Variants in STAP1 observed in about 807,000 individuals in gnomAD.
STAP1 encodes the protein signal transducing adaptor family member 1.
Under a neutral mutation model 37.8 loss-of-function variants are expected in STAP1, and 30 were observed. That is an observed-to-expected ratio of 0.79 (90% CI 0.59 to 1.08). The LOEUF (loss-of-function observed/expected upper bound fraction) is 1.08, where lower values mean the gene tolerates loss of function less well. STAP1 is among the 50% of genes least tolerant of loss of function. The pLI is 0.00. For synonymous variants in STAP1, 130 were observed against 116.0 expected, an observed-to-expected ratio of 1.12 and a Z score of -0.78; for missense variants, 357 against 349.4, an observed-to-expected ratio of 1.02 and a Z score of -0.17.
chr4:67,561,750 A>G (rs182333295), intron 1 of STAP1, among the ~76,000 whole-genome samples: 36 of 152,146 alleles, frequency 2.4e-4, no homozygotes, highest in African/African-American at 7.5e-4. Context: ...AAAATTTCTC[A>G]TTTTTTCTGG....
At position 67,577,230 on chromosome 4, in the gene STAP1, T is replaced by A; in HGVS notation, c.334T>A (p.Trp112Arg). 1 of 1,610,408 alleles carries A rather than the reference T, an allele frequency of 6.2e-7. No individual in the cohort carries two copies. Among genetic ancestry groups the A allele is most frequent in the Non-Finnish European group, 8.5e-7 (1 of 1,178,344 alleles). The change falls in exon 4 of 9, where the codon TGG becomes AGG. Residue 112 changes from tryptophan (W) to arginine (R), a missense_variant. Transcript: ENST00000265404. Reference protein sequence around the residue: ...KTENTESGEEWRGFILTVTEL... With the variant: ...KTENTESGEERRGFILTVTEL... ...AGAGAACACAGAAAGTGGGGAAGAA[T>A]GGAGAGGCTTCATTCTTACAGTAAC...
Position 67,576,478 on chromosome 4 carries a change from AAAT to A in STAP1, c.307-719_307-717del, listed in dbSNP as rs1242800800. 1.3e-4 allele frequency among the ~76,000 whole-genome samples: 20 copies of A among 152,338 alleles called. No homozygotes were observed. In the East Asian group the frequency reaches 2.9e-3, roughly 22 times the overall value. ...ATCTATAAAACAATCAAACAAGCAA[AAAT>A]AATAAGACCTTTTGCCAAGTTGCCT... On this transcript the variant is annotated intron_variant, in intron 3 of 8. Coordinates refer to ENST00000265404, the MANE Select transcript of STAP1 (RefSeq NM_012108.4).
At chr4:67,588,353 C>CGAT (rs35620968) in intron 6 of STAP1, among the ~76,000 whole-genome samples, 29,606 of 150,792 alleles carry the variant, frequency 0.2, 3,223 homozygotes, top group Middle Eastern at 0.3. Flanking sequence ...ACGACGACGA[C>CGAT]GATGATGATG....
At chr4:67,569,206 T>A (rs1727543898) in intron 1 of STAP1, among the ~76,000 whole-genome samples, 1 of 152,200 alleles carries the variant, frequency 6.6e-6, no homozygotes, top group Non-Finnish European at 1.5e-5. Context: ...TCTAAACATA[T>A]CTAAACATAG....
intron 6 of STAP1, among the ~76,000 whole-genome samples, chr4:67,586,003 C>A (rs1727971895): frequency 6.6e-6 from 1 of 152,152 alleles, no homozygotes; most frequent in South Asian, 2.1e-4. Context: ...CATAATCTAA[C>A]TGCTTAAATG....
intron 8 of STAP1, among the ~76,000 whole-genome samples, chr4:67,604,287 A>G (rs1490306174): frequency 6.6e-6 from 1 of 152,064 alleles, no homozygotes; most frequent in Non-Finnish European, 1.5e-5. Flanking sequence ...TATTTTTCCT[A>G]CCCTCTTCAG....
rs536281863 is a variant in STAP1 at position 67,581,160 on chromosome 4, CCT to C, written c.364-142_364-141del. ...TGAAACACCCAACCTAGACTAAAAT[CCT>C]CTGTTTCTTATTCCCTTAGTCCCTA... On this transcript the variant is annotated intron_variant, in intron 4 of 8. Coordinates refer to ENST00000265404, the MANE Select transcript of STAP1 (RefSeq NM_012108.4). The C allele has an allele frequency of 2.1e-4, 148 of 709,176 alleles. 2 individuals carry two copies. The South Asian group carries it at 4.2e-3, about 20-fold the overall frequency. The allele number at this position is 709,176 out of a possible 1,614,324, so 43.9% of individuals were successfully genotyped here.
intron 4 of STAP1, among the ~76,000 whole-genome samples, chr4:67,579,220 A>G (rs1205397100): frequency 6.6e-6 from 1 of 152,200 alleles, no homozygotes; most frequent in South Asian, 2.1e-4. Flanking sequence ...GTTTTGTGTT[A>G]TGATTCCAGA....
intron 7 of STAP1, 53 bp downstream of exon 7, chr4:67,591,006 C>G (rs1380863321): frequency 1.4e-6 from 2 of 1,409,454 alleles, no homozygotes; most frequent in Admixed American, 1.9e-5. Flanking sequence ...TTCCTTATAG[C>G]CTCCTAGTGC....
In STAP1 at chr4:67,558,899, T is replaced by C. The variant is rs765694426; in HGVS notation, c.90T>C (p.Gly30=). 2 of 1,613,104 alleles carry C rather than the reference T, an allele frequency of 1.2e-6. No homozygotes were observed. The highest frequency in any genetic ancestry group is 2.2e-5 in the East Asian group (1 of 44,842). Residue 30 remains glycine, a synonymous_variant, in exon 1 of 9, where the codon GGT becomes GGC. Transcript: ENST00000265404. ...KITALPLYFE[G]FLLIKRSGYR... ...CTGCTCTACCTTTGTACTTTGAAGG[T>C]TTTTTATTAATCAAGCGGTCAGGAT...
At chr4:67,583,382 C>T (rs191802824) in intron 5 of STAP1, among the ~76,000 whole-genome samples, 192 bp from the exon 6 acceptor site, 3 of 152,232 alleles carry the variant, frequency 2.0e-5, no homozygotes, top group Admixed American at 6.5e-5. Flanking sequence ...AAGACCTTAA[C>T]GTTAGCATAC....
intron 1 of STAP1, among the ~76,000 whole-genome samples, chr4:67,563,565 G>C (rs971763163): frequency 6.6e-6 from 1 of 152,118 alleles, no homozygotes; most frequent in Non-Finnish European, 1.5e-5. Flanking sequence ...TTAGCCAGGC[G>C]TGGTGGCACA....
chr4:67,578,923 C>T (rs1351588664), intron 4 of STAP1, among the ~76,000 whole-genome samples: 4 of 151,304 alleles, frequency 2.6e-5, no homozygotes, highest in African/African-American at 9.7e-5. Context: ...CCACCTCCTG[C>T]GTTCAAGCAA....
At chr4:67,600,539 T>C (rs1239839369) in intron 8 of STAP1, among the ~76,000 whole-genome samples, 1 of 152,180 alleles carries the variant, frequency 6.6e-6, no homozygotes, top group Non-Finnish European at 1.5e-5. Context: ...TGGTGCAGAT[T>C]ATGTCCGATG....
chr4:67,564,957 C>G (rs966083950), intron 1 of STAP1, among the ~76,000 whole-genome samples: 1 of 152,018 alleles, frequency 6.6e-6, no homozygotes, highest in Non-Finnish European at 1.5e-5. Flanking sequence ...ATAAAGTTCT[C>G]AGAACAATAT....
At chr4:67,589,263 T>C (rs751845221) in intron 6 of STAP1, among the ~76,000 whole-genome samples, 3 of 152,228 alleles carry the variant, frequency 2.0e-5, no homozygotes, top group Non-Finnish European at 2.9e-5. Context: ...CAAAAATGCT[T>C]CCTTCACCAA....
intron 2 of STAP1, among the ~76,000 whole-genome samples, chr4:67,571,713 GAT>G (rs1727609915): frequency 6.6e-6 from 1 of 152,168 alleles, no homozygotes; most frequent in Non-Finnish European, 1.5e-5. Context: ...CCAGGAATAA[GAT>G]ATAGTATTTT....
intron 8 of STAP1, among the ~76,000 whole-genome samples, chr4:67,594,954 G>T (rs903613438): frequency 1.3e-5 from 2 of 152,122 alleles, no homozygotes; most frequent in Non-Finnish European, 2.9e-5. Context: ...GTGTGCATGT[G>T]TGTGATTGGG....
intron 1 of STAP1, among the ~76,000 whole-genome samples, chr4:67,567,382 A>T (rs1727494974): frequency 6.6e-6 from 1 of 152,086 alleles, no homozygotes; most frequent in Non-Finnish European, 1.5e-5. Flanking sequence ...GGGAGGATAG[A>T]GTGAAAACAC....
Sources: gnomAD v4.1 joint callset for allele counts (sites outside exome capture counted in the v4.1 genomes callset) on GRCh38, gnomAD v4.1.1 for gene constraint, MANE v1.5 for transcripts, NCBI Gene and HGNC (gene_info 2026-07-23, HGNC 2026-07-21) for gene names.